Variants in AGPAT4 observed in about 807,000 individuals in gnomAD.
AGPAT4 encodes the protein 1-acyl-sn-glycerol-3-phosphate acyltransferase delta.
A neutral mutation model predicts 48.0 loss-of-function variants in AGPAT4; 15 were observed. The observed-to-expected ratio is 0.31, with a 90% CI of 0.21 to 0.48. AGPAT4 has a LOEUF of 0.48. Among genes scored for constraint, AGPAT4 ranks in the 20% least tolerant of loss-of-function variants. AGPAT4 has a pLI of 0.99. For missense variants in AGPAT4, 314 were observed against 482.5 expected (o/e 0.65, Z 3.27); for synonymous variants, 178 against 198.7 (o/e 0.90, Z 0.88).
rs568261816 is a variant in AGPAT4, at chr6:161,206,062, G to A, written c.178+25974C>T. ...TGTACTCGTATGTTTTTTCAAGCCC[G>A]TGCGATGTAGACAAAAAAAGCCCCA... On this transcript the variant is annotated intron_variant, in intron 2 of 8. Coordinates refer to ENST00000320285, the MANE Select transcript of AGPAT4 (RefSeq NM_020133.3). This position sits in a 1 kb window ranked among gnomAD's most constrained non-coding sequence, Gnocchi z 4.8. Among the ~76,000 whole-genome samples, 32 of 152,152 alleles carry A rather than the reference G, an allele frequency of 2.1e-4. No homozygotes were observed. Among genetic ancestry groups the A allele is most frequent in the African/African-American group, 7.2e-4 (30 of 41,506 alleles).
intron 2 of AGPAT4, among the ~76,000 whole-genome samples, chr6:161,207,562 G>A (rs1381126256): frequency 6.6e-6 from 1 of 152,232 alleles, no homozygotes; most frequent in African/African-American, 2.4e-5. Flanking sequence ...CTCTATAGCT[G>A]GAGCCCTAGA....
Position 161,244,028 on chromosome 6 carries a change from G to A in AGPAT4, c.-89-11726C>T, listed in dbSNP as rs1238258949. Among the ~76,000 whole-genome samples, 1 of 152,180 alleles carries A rather than the reference G, an allele frequency of 6.6e-6. No individual in the cohort carries two copies. The highest frequency in any genetic ancestry group is 2.4e-5 in the African/African-American group (1 of 41,442). On this transcript the variant is annotated intron_variant, in intron 1 of 8. Coordinates refer to ENST00000320285, the MANE Select transcript of AGPAT4 (RefSeq NM_020133.3). The surrounding 1 kb of genome is among the most constrained non-coding windows in gnomAD (Gnocchi z 4.7). Reference sequence around the variant, plus strand: ...GTCAATTCCCTACATAAATCTCATTGAAGAAATGAGTTGAATACTCGATGT... The same window carrying A: ...GTCAATTCCCTACATAAATCTCATTAAAGAAATGAGTTGAATACTCGATGT...
chr6:161,248,359 G>GGTTA (rs1782718448), intron 1 of AGPAT4, among the ~76,000 whole-genome samples: 1 of 152,086 alleles, frequency 6.6e-6, no homozygotes, highest in South Asian at 2.1e-4. Flanking sequence ...CGGATCATGA[G>GGTTA]GTCAGGAGAT....
intron 1 of AGPAT4, among the ~76,000 whole-genome samples, chr6:161,257,432 G>A (rs1782973082): frequency 6.6e-6 from 1 of 152,194 alleles, no homozygotes; most frequent in African/African-American, 2.4e-5. Context: ...ACACATGTGA[G>A]GATGGATCCT....
At position 161,204,844 on chromosome 6, in the gene AGPAT4, G is replaced by A. The variant is rs1393827516; in HGVS notation, c.178+27192C>T. 6.6e-6 allele frequency among the ~76,000 whole-genome samples: 1 copy of A among 152,176 alleles called. No individual in the cohort carries two copies. The highest frequency in any genetic ancestry group is 2.4e-5 in the African/African-American group (1 of 41,444). Reference sequence around the variant, plus strand: ...TCCCTTTTCTCCATTGTGCTACTTTGTAATGATTATAGAGTCAGCTATAAG... The same window carrying A: ...TCCCTTTTCTCCATTGTGCTACTTTATAATGATTATAGAGTCAGCTATAAG... On this transcript the variant is annotated intron_variant, in intron 2 of 8. Transcript: ENST00000320285. This position sits in a 1 kb window ranked among gnomAD's most constrained non-coding sequence, Gnocchi z 4.4.
At chr6:161,263,098 C>T (rs1189390881) in intron 1 of AGPAT4, among the ~76,000 whole-genome samples, 2 of 88,642 alleles carry the variant, frequency 2.3e-5, no homozygotes, top group East Asian at 3.0e-4. Flanking sequence ...GACATATTCT[C>T]GGCGGCGGTG....
rs956969283 is a variant in AGPAT4 at position 161,180,830 on chromosome 6, C to G, written c.179-14413G>C. Among the ~76,000 whole-genome samples, 1 of 152,116 alleles carries G rather than the reference C, an allele frequency of 6.6e-6. No individual in the cohort carries two copies. Among genetic ancestry groups the G allele is most frequent in the Non-Finnish European group, 1.5e-5 (1 of 68,018 alleles). On this transcript the variant is annotated intron_variant, in intron 2 of 8. Coordinates refer to ENST00000320285, the MANE Select transcript of AGPAT4 (RefSeq NM_020133.3). The surrounding 1 kb of genome is among the most constrained non-coding windows in gnomAD (Gnocchi z 6.4). ...GGTCAGTCGTCAAGTTACAGGGTGC[C>G]CACCAGACCCTCTCTGTGCCTGATA...
chr6:161,224,656 A>AG (rs1351086721), intron 2 of AGPAT4, among the ~76,000 whole-genome samples: 2 of 149,708 alleles, frequency 1.3e-5, no homozygotes, highest in Non-Finnish European at 2.9e-5. Context: ...AAAAAAAAAA[A>AG]AAAAGAAAGA....
intron 2 of AGPAT4, among the ~76,000 whole-genome samples, chr6:161,193,504 G>T (rs1242602339): frequency 6.6e-6 from 1 of 152,220 alleles, no homozygotes; most frequent in Non-Finnish European, 1.5e-5. Context: ...CCGCTCTGTG[G>T]TCACCACTTT....
At chr6:161,209,926 C>T (rs113893637) in intron 2 of AGPAT4, among the ~76,000 whole-genome samples, 132 of 151,938 alleles carry the variant, frequency 8.7e-4, no homozygotes, top group African/African-American at 2.7e-3. Context: ...CCCTTTGTTT[C>T]GTTTTGTTTT....
chr6:161,138,066 G>A lies in AGPAT4; in HGVS notation c.1042+1356C>T, dbSNP rs993383865. ...GCTGTTGCCTGCTATTGAAGCAGAA[G>A]GGTTGAGCTTGCCCCCGCCCTACCA... On this transcript the variant is annotated intron_variant, in intron 8 of 8. Transcript: ENST00000320285. This position sits in a 1 kb window ranked among gnomAD's most constrained non-coding sequence, Gnocchi z 4.8. 2.0e-5 allele frequency among the ~76,000 whole-genome samples: 3 copies of A among 152,176 alleles called. No individual in the cohort carries two copies. Among genetic ancestry groups the A allele is most frequent in the African/African-American group, 4.8e-5 (2 of 41,458 alleles).
Position 161,197,211 on chromosome 6 carries a change from A to C in AGPAT4, c.179-30794T>G, listed in dbSNP as rs1265304642. On this transcript the variant is annotated intron_variant, in intron 2 of 8. Coordinates refer to ENST00000320285, the MANE Select transcript of AGPAT4 (RefSeq NM_020133.3). This position sits in a 1 kb window ranked among gnomAD's most constrained non-coding sequence, Gnocchi z 5.7. ...TGCTTTTCCCTTTGGCCTTCTCCGA[A>C]CGTTGAATGTGCTAATGGACAGTGA... is the stretch of plus-strand genomic sequence containing the variant. 1.3e-5 allele frequency among the ~76,000 whole-genome samples: 2 copies of C among 152,154 alleles called. No homozygotes were observed. The highest frequency in any genetic ancestry group is 4.8e-5 in the African/African-American group (2 of 41,432).
chr6:161,136,157 G>T lies in AGPAT4; in HGVS notation c.*383C>A. ...TAAAGCACTTTTCACTTTATCTCTG[G>T]CAACCAAGGGTTACAGAAAACTCAG... is the stretch of plus-strand genomic sequence containing the variant. On this transcript the variant is annotated 3_prime_UTR_variant, in exon 9 of 9. Coordinates refer to ENST00000320285, the MANE Select transcript of AGPAT4 (RefSeq NM_020133.3). The T allele has an allele frequency of 4.9e-6, 1 of 202,368 alleles. No homozygotes were observed. Among genetic ancestry groups the T allele is most frequent in the Non-Finnish European group, 1.0e-5 (1 of 99,586 alleles). 12.5% of individuals were successfully genotyped at this position (202,368 alleles called of 1,614,324 possible). A position where few individuals can be genotyped will look rare whatever the true frequency, so the allele number is the denominator to read the frequency against.
chr6:161,184,770 T>C lies in AGPAT4; in HGVS notation c.179-18353A>G, dbSNP rs912159095. Reference sequence around the variant, plus strand: ...ACTAGAAATCTGACTACATCAAGCCTAGGAGCAATGAGAGCTTGGTAGCCA... The same window carrying C: ...ACTAGAAATCTGACTACATCAAGCCCAGGAGCAATGAGAGCTTGGTAGCCA... On this transcript the variant is annotated intron_variant, in intron 2 of 8. Transcript: ENST00000320285. The surrounding 1 kb of genome is among the most constrained non-coding windows in gnomAD (Gnocchi z 4.8). Among the ~76,000 whole-genome samples the C allele has an allele frequency of 2.0e-5, 3 of 152,152 alleles. No individual in the cohort carries two copies. The highest frequency in any genetic ancestry group is 7.2e-5 in the African/African-American group (3 of 41,424).
intron 1 of AGPAT4, among the ~76,000 whole-genome samples, chr6:161,237,072 A>G (rs977411575): frequency 6.6e-6 from 1 of 152,204 alleles, no homozygotes; most frequent in Non-Finnish European, 1.5e-5. Flanking sequence ...ATCCGGATAC[A>G]TTATTGGAAT....
rs1251396654 is a variant in AGPAT4 at position 161,165,782 on chromosome 6, T to C, written c.348+466A>G. 3.3e-6 allele frequency: 2 copies of C among 610,416 alleles called. No homozygotes were observed. The highest frequency in any genetic ancestry group is 1.8e-5 in the African/African-American group (1 of 54,180). The allele number at this position is 610,416 out of a possible 1,614,324, so 37.8% of individuals were successfully genotyped here. On this transcript the variant is annotated intron_variant, in intron 3 of 8. Transcript: ENST00000320285. The surrounding 1 kb of genome is among the most constrained non-coding windows in gnomAD (Gnocchi z 5.5). The stretch of plus-strand genomic sequence containing the variant: ...ATTTTGCAGTTCACTCTCTCACTTA[T>C]GGACTCAAAGTTCTTAAGCCTTCAA...
At position 161,225,922 on chromosome 6, in the gene AGPAT4, G is replaced by A. The variant is rs1781967923; in HGVS notation, c.178+6114C>T. ...TTAAATTCCCTTCATCATGGGTCACGGGTCTTTTAAATTCCTTTCCATCCG... is the reference window on the plus strand; with the variant it reads ...TTAAATTCCCTTCATCATGGGTCACAGGTCTTTTAAATTCCTTTCCATCCG... On this transcript the variant is annotated intron_variant, in intron 2 of 8. Transcript: ENST00000320285. This position sits in a 1 kb window ranked among gnomAD's most constrained non-coding sequence, Gnocchi z 5.0. Among the ~76,000 whole-genome samples the A allele has an allele frequency of 2.0e-5, 3 of 152,108 alleles. No individual in the cohort carries two copies. Among genetic ancestry groups the A allele is most frequent in the South Asian group, 2.1e-4 (1 of 4,830 alleles).
Position 161,133,249 on chromosome 6 carries a change from G to A in AGPAT4, c.*3291C>T, listed in dbSNP as rs958688262. The A allele has an allele frequency of 3.3e-5, 5 of 152,204 alleles. No individual in the cohort carries two copies. Among genetic ancestry groups the A allele is most frequent in the African/African-American group, 1.2e-4 (5 of 41,438 alleles). 9.4% of individuals were successfully genotyped at this position (152,204 alleles called of 1,614,324 possible). On this transcript the variant is annotated 3_prime_UTR_variant, in exon 9 of 9. Transcript: ENST00000320285. ...CCTTTTTTGTGTCTTTCACATCACT[G>A]TTACAAGTTGTGGCTGGACAATTAA...
chr6:161,131,354 G>A lies in AGPAT4; in HGVS notation c.*5186C>T, dbSNP rs1412789045. 1 of 153,444 alleles carries A rather than the reference G, an allele frequency of 6.5e-6. No homozygotes were observed. The allele number at this position is 153,444 out of a possible 1,614,324, so 9.5% of individuals were successfully genotyped here. ...GAAGGAAGGCCTGGGTGGGAACCTGGATGTCCTTTCCTGGAGAACAGCTTT... is the reference window on the plus strand; with the variant it reads ...GAAGGAAGGCCTGGGTGGGAACCTGAATGTCCTTTCCTGGAGAACAGCTTT... On this transcript the variant is annotated 3_prime_UTR_variant, in exon 9 of 9. Transcript: ENST00000320285.
Sources: allele counts gnomAD v4.1 joint callset (sites outside exome capture counted in the v4.1 genomes callset), GRCh38; gene constraint gnomAD v4.1.1; non-coding constraint Gnocchi (gnomAD v3.1); transcripts MANE v1.5; gene names NCBI Gene and HGNC (gene_info 2026-07-23, HGNC 2026-07-21).